Variants in CLSTN1 observed in about 807,000 individuals in gnomAD.
CLSTN1 encodes the protein calsyntenin 1.
In CLSTN1, 28 loss-of-function variants were observed where a neutral mutation model predicts 108.3. That is an observed-to-expected ratio of 0.26 (90% CI 0.19 to 0.35). CLSTN1 has a LOEUF of 0.35. CLSTN1 is among the 10% of genes least tolerant of loss of function. The probability of loss-of-function intolerance (pLI) is 1.00; values close to 1 mark genes in which losing one functional copy is unlikely to be tolerated. For missense variants in CLSTN1, 1,157 were observed against 1,302.6 expected, an observed-to-expected ratio of 0.89 and a Z score of 1.72; for synonymous variants, 524 against 534.9, an observed-to-expected ratio of 0.98 and a Z score of 0.28.
chr1:9,748,784 C>T (rs1651408524), intron 7 of CLSTN1, among the ~76,000 whole-genome samples: 1 of 151,770 alleles, frequency 6.6e-6, no homozygotes, highest in African/African-American at 2.4e-5. Context: ...CCCCCATGCC[C>T]TGGCCTTTGT....
intron 1 of CLSTN1, among the ~76,000 whole-genome samples, chr1:9,794,278 A>C (rs1301747208): frequency 6.6e-6 from 1 of 151,386 alleles, no homozygotes; most frequent in African/African-American, 2.4e-5. Flanking sequence ...CTATCAGAAC[A>C]TTTCCAACTG....
intron 1 of CLSTN1, among the ~76,000 whole-genome samples, chr1:9,789,048 A>G (rs1349569952): frequency 6.6e-6 from 1 of 151,362 alleles, no homozygotes; most frequent in Non-Finnish European, 1.5e-5. Flanking sequence ...CGTTAGAAGG[A>G]TACCATGTTT....
chr1:9,819,126 C>A (rs1267242980), intron 1 of CLSTN1, among the ~76,000 whole-genome samples: 2 of 151,862 alleles, frequency 1.3e-5, no homozygotes, highest in Non-Finnish European at 2.9e-5. Context: ...AAATTAAGAC[C>A]CACTAAAAAA....
intron 2 of CLSTN1, among the ~76,000 whole-genome samples, chr1:9,769,977 C>T (rs954348438): frequency 4.0e-5 from 6 of 150,034 alleles, no homozygotes; most frequent in African/African-American, 1.5e-4. Flanking sequence ...TTGCAGTGAG[C>T]CGAGATCGCG....
At chr1:9,807,546 A>C (rs1417339777) in intron 1 of CLSTN1, among the ~76,000 whole-genome samples, 1 of 152,214 alleles carries the variant, frequency 6.6e-6, no homozygotes, top group Non-Finnish European at 1.5e-5. Flanking sequence ...TTTAAATAGC[A>C]ATATTTCAGT....
rs1651821000 is a variant in CLSTN1, at chr1:9,756,659, T to C, written c.215-149A>G. 1.7e-5 allele frequency: 11 copies of C among 628,736 alleles called. No homozygotes were observed. The East Asian group carries it at 2.6e-4, about 15-fold the overall frequency. The allele number at this position is 628,736 out of a possible 1,614,324, so 38.9% of individuals were successfully genotyped here. ...CTACGATTGCTACAGCAAAACCTAA[T>C]CTTCAGGAACAAAATGTCACTTTGA... is the stretch of plus-strand genomic sequence containing the variant. On this transcript the variant is annotated intron_variant, in intron 2 of 18. Coordinates refer to ENST00000377298, the MANE Select transcript of CLSTN1 (RefSeq NM_001009566.3).
chr1:9,741,699 G>A (rs908533081), intron 9 of CLSTN1, among the ~76,000 whole-genome samples: 1 of 152,216 alleles, frequency 6.6e-6, no homozygotes, highest in Non-Finnish European at 1.5e-5. Context: ...ATCACTTGAG[G>A]TCAAGAGTTT....
In CLSTN1 at chr1:9,729,338, CTGTT is replaced by C. The variant is rs140007416; in HGVS notation, c.*1166_*1169del. 136 of 152,728 alleles carry C rather than the reference CTGTT, an allele frequency of 8.9e-4. 1 individual carries two copies. Among genetic ancestry groups the C allele is most frequent in the Middle Eastern group, 3.4e-3 (1 of 294 alleles). 9.5% of individuals were successfully genotyped at this position (152,728 alleles called of 1,614,324 possible). On this transcript the variant is annotated 3_prime_UTR_variant, in exon 19 of 19. Coordinates refer to ENST00000377298, the MANE Select transcript of CLSTN1 (RefSeq NM_001009566.3). ...GTGCTATGTGGGTTTTAGACCATGA[CTGTT>C]TGTTTGCTCTCCTGCCCTACCACCA...
chr1:9,759,992 A>G (rs536324929), intron 2 of CLSTN1, among the ~76,000 whole-genome samples: 2 of 152,332 alleles, frequency 1.3e-5, no homozygotes, highest in African/African-American at 4.8e-5. Flanking sequence ...ACATCATCTG[A>G]ACTGACATTA....
chr1:9,768,644 T>C (rs1429328786), intron 2 of CLSTN1, among the ~76,000 whole-genome samples: 2 of 106,960 alleles, frequency 1.9e-5, no homozygotes, highest in African/African-American at 7.4e-5. Flanking sequence ...GGCAGGGTTC[T>C]GTGTTGGGTG....
chr1:9,729,238 G>A lies in CLSTN1; in HGVS notation c.*1270C>T, dbSNP rs1650183703. 6.6e-6 allele frequency: 1 copy of A among 152,312 alleles called. No individual in the cohort carries two copies. The highest frequency in any genetic ancestry group is 2.4e-5 in the African/African-American group (1 of 41,424). 9.4% of individuals were successfully genotyped at this position (152,312 alleles called of 1,614,324 possible). ...CAGTGTCCTCAGAACTAGCAGTCAGGGTCACAGAACAGTATTCAAAATGAT... is the reference window on the plus strand; with the variant it reads ...CAGTGTCCTCAGAACTAGCAGTCAGAGTCACAGAACAGTATTCAAAATGAT... On this transcript the variant is annotated 3_prime_UTR_variant, in exon 19 of 19. Transcript: ENST00000377298.
rs1463715338 is a variant in CLSTN1, at chr1:9,788,887, AAC to A, written c.92-15495_92-15494del. ...CGTCTCAAAAAAAAAAAAAAAAAAAAACAAAAGGAATTTGACTATTCTAGTAC... is the reference window on the plus strand; with the variant it reads ...CGTCTCAAAAAAAAAAAAAAAAAAAAAAAAGGAATTTGACTATTCTAGTAC... On this transcript the variant is annotated intron_variant, in intron 1 of 18. Coordinates refer to ENST00000377298, the MANE Select transcript of CLSTN1 (RefSeq NM_001009566.3). Among the ~76,000 whole-genome samples the A allele has an allele frequency of 1.1e-3, 160 of 150,718 alleles. 4 individuals are homozygous for A. Among genetic ancestry groups the A allele is most frequent in the Middle Eastern group, 0.01 (3 of 292 alleles).
chr1:9,771,474 C>T (rs185611874), intron 2 of CLSTN1, among the ~76,000 whole-genome samples: 2 of 152,174 alleles, frequency 1.3e-5, no homozygotes, highest in Admixed American at 6.5e-5. Flanking sequence ...ATTAGCTGGG[C>T]GTGGTGGCAG....
At chr1:9,808,057 T>G (rs1654581141) in intron 1 of CLSTN1, among the ~76,000 whole-genome samples, 1 of 152,208 alleles carries the variant, frequency 6.6e-6, no homozygotes, top group Non-Finnish European at 1.5e-5. Context: ...GCCTCACCGC[T>G]GGTTTACAGA....
At chr1:9,807,033 T>C (rs1250681326) in intron 1 of CLSTN1, among the ~76,000 whole-genome samples, 1 of 151,910 alleles carries the variant, frequency 6.6e-6, no homozygotes, top group African/African-American at 2.4e-5. Context: ...TGGAGCAGCA[T>C]TGCCTAAAGT....
At chr1:9,770,387 AAG>A (rs1382663930) in intron 2 of CLSTN1, among the ~76,000 whole-genome samples, 1 of 152,232 alleles carries the variant, frequency 6.6e-6, no homozygotes, top group Non-Finnish European at 1.5e-5. Context: ...TTTCATTGAT[AAG>A]ACTTTTTCTT....
intron 8 of CLSTN1, 49 bp downstream of exon 8, chr1:9,744,346 C>T (rs780606782): frequency 6.4e-7 from 1 of 1,558,148 alleles, no homozygotes; most frequent in Non-Finnish European, 8.7e-7. Flanking sequence ...CTGGCACCCA[C>T]CCTACTGGAC....
intron 2 of CLSTN1, among the ~76,000 whole-genome samples, chr1:9,761,400 G>A (rs1652063662): frequency 6.6e-6 from 1 of 152,072 alleles, no homozygotes; most frequent in Non-Finnish European, 1.5e-5. Context: ...GCCTAAGGTG[G>A]GAGAATCACC....
At chr1:9,786,644 G>A (rs181804914) in intron 1 of CLSTN1, among the ~76,000 whole-genome samples, 1,689 of 94,188 alleles carry the variant, frequency 0.018, 17 homozygotes, top group Admixed American at 0.024. Context: ...GTGAGACTCC[G>A]TCTCAAAAAA....
Sources: gnomAD v4.1 joint callset for allele counts (sites outside exome capture counted in the v4.1 genomes callset) on GRCh38, gnomAD v4.1.1 for gene constraint, MANE v1.5 for transcripts, NCBI Gene and HGNC (gene_info 2026-07-23, HGNC 2026-07-21) for gene names.